The following PKHD1 variants were observed in gnomAD, a reference collection of about 807,000 sequenced individuals.
PKHD1 encodes the protein PKHD1 ciliary IPT domain containing fibrocystin/polyductin.
Under a neutral mutation model 412.0 loss-of-function variants are expected in PKHD1, and 291 were observed. The ratio of observed to expected loss-of-function variants is 0.71; its 90% confidence interval spans 0.64 to 0.78. The LOEUF is 0.78. Among genes scored for constraint, PKHD1 ranks in the 30% least tolerant of loss-of-function variants. The pLI, the probability that PKHD1 is intolerant of heterozygous loss-of-function variation, is 0.00. For synonymous variants in PKHD1, 1,777 were observed against 1,821.5 expected (o/e 0.98, Z 0.62); for missense variants, 4,825 against 4,950.7 (o/e 0.97, Z 0.76).
Position 52,025,469 on chromosome 6 carries a change from C to A in PKHD1, c.4341G>T (p.Leu1447=), listed in dbSNP as rs1562165566. 6.2e-7 allele frequency: 1 copy of A among 1,610,614 alleles called. No individual in the cohort carries two copies. The change falls in exon 32 of 67, where the codon CTG becomes CTT. Residue 1447 remains leucine, a synonymous_variant. Coordinates refer to ENST00000371117, the MANE Select transcript of PKHD1 (RefSeq NM_138694.4). ...GDHTILCQVS[L]EGDPLPGASF... ...AAGCTCCAGGCAAGGGGTCACCCTC[C>A]AGGCTAACCTGGCAGAGAATGGTGT... is the stretch of plus-strand genomic sequence containing the variant.
chr6:51,728,392 C>A (rs1782842424), intron 60 of PKHD1, among the ~76,000 whole-genome samples: 1 of 152,162 alleles, frequency 6.6e-6, no homozygotes, highest in African/African-American at 2.4e-5. Context: ...CCTTTAAAAA[C>A]CTCTGTGGAA....
At chr6:51,760,455 C>T (rs948541839) in intron 55 of PKHD1, among the ~76,000 whole-genome samples, 7 of 152,046 alleles carry the variant, frequency 4.6e-5, no homozygotes, top group Admixed American at 2.0e-4. Flanking sequence ...TCACATCTTA[C>T]GTTCAGATGA....
At chr6:51,928,011 C>CAAT (rs1352828377) in intron 37 of PKHD1, among the ~76,000 whole-genome samples, 2 of 152,214 alleles carry the variant, frequency 1.3e-5, no homozygotes, top group East Asian at 3.9e-4. Context: ...AATTATTATT[C>CAAT]AGAGAGAGAG....
intron 60 of PKHD1, among the ~76,000 whole-genome samples, chr6:51,697,928 C>T (rs535934092): frequency 6.6e-6 from 1 of 152,222 alleles, no homozygotes; most frequent in East Asian, 1.9e-4. Flanking sequence ...TTGCTGTTGG[C>T]ACTAAAACAA....
chr6:51,639,568 C>T (rs1271258829), intron 63 of PKHD1, among the ~76,000 whole-genome samples: 1 of 151,552 alleles, frequency 6.6e-6, no homozygotes, highest in African/African-American at 2.4e-5. Flanking sequence ...GCCTTGGCTT[C>T]CCTAACTAAA....
rs1359498136 is a variant in PKHD1, at chr6:51,669,450, A to G, written c.10157-9481T>C. 4.5e-3 allele frequency among the ~76,000 whole-genome samples: 677 copies of G among 150,128 alleles called. 4 individuals are homozygous for G. The highest frequency in any genetic ancestry group is 0.016 in the African/African-American group (644 of 40,820). Reference sequence around the variant, plus strand: ...ATTCTTCTCTCTTTTTTTCTTTATTAGTCTTGCTAGCGGTCTATCTATTTT... The same window carrying G: ...ATTCTTCTCTCTTTTTTTCTTTATTGGTCTTGCTAGCGGTCTATCTATTTT... On this transcript the variant is annotated intron_variant, in intron 60 of 66. Transcript: ENST00000371117.
At chr6:51,680,323 A>G (rs898004820) in intron 60 of PKHD1, among the ~76,000 whole-genome samples, 16 of 152,098 alleles carry the variant, frequency 1.1e-4, no homozygotes, top group Non-Finnish European at 2.1e-4. Flanking sequence ...GTACAACACT[A>G]CTTGAAATAA....
At chr6:52,072,066 G>T in intron 8 of PKHD1, 49 bp downstream of exon 8, 1 of 1,034,562 alleles carries the variant, frequency 9.7e-7, no homozygotes. Flanking sequence ...TTGTATCCAT[G>T]TGGACGAACT....
chr6:51,668,541 T>G (rs1274016026), intron 60 of PKHD1, among the ~76,000 whole-genome samples: 3 of 152,172 alleles, frequency 2.0e-5, no homozygotes. Flanking sequence ...CTTTATTTCC[T>G]TCTCCTGCCT....
At position 51,800,523 on chromosome 6, in the gene PKHD1, T is replaced by C. The variant is rs1762744676; in HGVS notation, c.8303-9150A>G. Among the ~76,000 whole-genome samples the C allele has an allele frequency of 2.0e-5, 3 of 152,216 alleles. No homozygotes were observed. In the South Asian group the frequency reaches 6.2e-4, roughly 32 times the overall value. ...TCTTTTGTATCAAGAACAATTTGAC[T>C]ACCACAGTTACAAAGCATTCCATGT... On this transcript the variant is annotated intron_variant, in intron 52 of 66. Transcript: ENST00000371117.
chr6:52,059,259 C>CTT (rs55992586), intron 15 of PKHD1, among the ~76,000 whole-genome samples: 1,658 of 83,460 alleles, frequency 0.02, 110 homozygotes, highest in East Asian at 0.19. Context: ...TTTTCTTTTT[C>CTT]TTTTTTTTTT....
At chr6:51,981,527 C>T (rs543339163) in intron 35 of PKHD1, among the ~76,000 whole-genome samples, 2 of 151,638 alleles carry the variant, frequency 1.3e-5, no homozygotes, top group African/African-American at 4.8e-5. Context: ...CTGTGTTGGC[C>T]GGGCTGGTCT....
At chr6:51,719,813 T>C (rs898942796) in intron 60 of PKHD1, among the ~76,000 whole-genome samples, 3 of 152,188 alleles carry the variant, frequency 2.0e-5, no homozygotes, top group African/African-American at 7.2e-5. Context: ...GTCTGGCAGC[T>C]CTTCAAAAAC....
At chr6:51,964,917 C>T (rs539630379) in intron 35 of PKHD1, among the ~76,000 whole-genome samples, 4 of 152,166 alleles carry the variant, frequency 2.6e-5, no homozygotes, top group South Asian at 4.2e-4. Flanking sequence ...AACTAACTTA[C>T]AATTTATGTT....
At chr6:51,843,219 T>C (rs770854502) in intron 50 of PKHD1, among the ~76,000 whole-genome samples, 2 of 152,174 alleles carry the variant, frequency 1.3e-5, no homozygotes, top group Non-Finnish European at 2.9e-5. Flanking sequence ...GCGCTTGTTC[T>C]TAGAGGCAGA....
At chr6:51,714,211 A>C (rs913935374) in intron 60 of PKHD1, among the ~76,000 whole-genome samples, 4 of 152,112 alleles carry the variant, frequency 2.6e-5, no homozygotes, top group Admixed American at 2.0e-4. Flanking sequence ...CTCTATGAAA[A>C]ATACAAAAAT....
rs753923284 is a variant in PKHD1 at position 52,022,789 on chromosome 6, A to G, written c.5380+12T>C. ...ATGCTTTAAAATATATGTGTGTGGC[A>G]TCTTTACTCACCATCCAGGGGCAGA... On this transcript the variant is annotated intron_variant, in intron 33 of 66. Transcript: ENST00000371117. 6.2e-7 allele frequency: 1 copy of G among 1,613,582 alleles called. No homozygotes were observed. The highest frequency in any genetic ancestry group is 8.5e-7 in the Non-Finnish European group (1 of 1,179,576).
chr6:52,044,112 T>C (rs1896987), intron 25 of PKHD1, among the ~76,000 whole-genome samples: 146,942 of 152,296 alleles, frequency 0.96, 71,109 homozygotes, highest in East Asian at 1. Context: ...CCAACAAATT[T>C]GGTGCATTCC....
chr6:51,771,492 G>A (rs1310563951), intron 55 of PKHD1, among the ~76,000 whole-genome samples: 1 of 151,882 alleles, frequency 6.6e-6, no homozygotes, highest in Non-Finnish European at 1.5e-5. Flanking sequence ...GGTGGTGTGT[G>A]CCTGTAATCC....
Sources: gnomAD v4.1 joint callset for allele counts (sites outside exome capture counted in the v4.1 genomes callset) on GRCh38, gnomAD v4.1.1 for gene constraint, MANE v1.5 for transcripts, NCBI Gene and HGNC (gene_info 2026-07-23, HGNC 2026-07-21) for gene names.